Variants in CTCF observed in about 807,000 individuals in gnomAD.
CTCF encodes the protein transcriptional repressor CTCF.
In CTCF, 7 loss-of-function variants were observed where a neutral mutation model predicts 72.3. The ratio of observed to expected loss-of-function variants is 0.10; its 90% CI spans 0.06 to 0.18. The LOEUF (loss-of-function observed/expected upper bound fraction) is 0.18. CTCF is among the 10% of genes least tolerant of loss of function. CTCF has a pLI of 1.00. For synonymous variants in CTCF, 374 were observed against 315.8 expected, an observed-to-expected ratio of 1.18 and a Z score of -1.95; for missense variants, 516 against 949.1, an observed-to-expected ratio of 0.54 and a Z score of 6.00.
In CTCF at chr16:67,619,329, G is replaced by A. The variant is rs572582255; in HGVS notation, c.1087-1368G>A. Among the ~76,000 whole-genome samples the A allele has an allele frequency of 2.4e-4, 36 of 152,178 alleles. 2 individuals are homozygous for A. Among genetic ancestry groups the A allele is most frequent in the Middle Eastern group, 6.8e-3 (2 of 294 alleles). On this transcript the variant is annotated intron_variant, in intron 5 of 11. Transcript: ENST00000264010. ...CGTGCGCCTGTAGTCTCAGCTACTC[G>A]GGAGGCTGAGGCAGGAGAATTGCTT...
chr16:67,610,227 A>G lies in CTCF; in HGVS notation c.-9-597A>G, dbSNP rs370506692. ...ATTTCACTGATTTAATCCCTGTAGTATAATTTAACATCCTGAGTCACCAAT... is the reference window on the plus strand; with the variant it reads ...ATTTCACTGATTTAATCCCTGTAGTGTAATTTAACATCCTGAGTCACCAAT... On this transcript the variant is annotated intron_variant, in intron 2 of 11. Transcript: ENST00000264010. 9.2e-5 allele frequency among the ~76,000 whole-genome samples: 14 copies of G among 152,106 alleles called. No homozygotes were observed. The East Asian group carries it at 2.5e-3, about 27-fold the overall frequency.
chr16:67,599,267 C>T (rs902004409), intron 2 of CTCF, among the ~76,000 whole-genome samples: 17 of 152,154 alleles, frequency 1.1e-4, no homozygotes, highest in Admixed American at 2.0e-4. Flanking sequence ...TGGTGGCACG[C>T]GCTGGTAGTC....
chr16:67,629,874 A>C (rs2052341477), intron 10 of CTCF, among the ~76,000 whole-genome samples: 5 of 139,736 alleles, frequency 3.6e-5, no homozygotes, highest in Admixed American at 2.3e-4. Flanking sequence ...TCCCGGGTTC[A>C]CGCCATTCTC....
chr16:67,616,592 T>C (rs1213331534), intron 4 of CTCF, 153 bp from the exon 5 acceptor site: 3 of 782,684 alleles, frequency 3.8e-6, no homozygotes, highest in Non-Finnish European at 6.3e-6. Flanking sequence ...CTCCCATAGT[T>C]TTCGGAGCTG....
intron 2 of CTCF, among the ~76,000 whole-genome samples, chr16:67,575,852 A>C (rs1256898190): frequency 6.6e-6 from 1 of 152,132 alleles, no homozygotes; most frequent in Non-Finnish European, 1.5e-5. Flanking sequence ...AATGGGTTAG[A>C]TTTATCAGAA....
chr16:67,610,988 G>A lies in CTCF; in HGVS notation c.156G>A (p.Gln52=), dbSNP rs2052054672. Residue 52 remains glutamine (Q), a synonymous_variant, in exon 3 of 12, where the codon CAG becomes CAA. Coordinates refer to ENST00000264010, the MANE Select transcript of CTCF (RefSeq NM_006565.4). The part of the protein sequence containing the change: ...QNQTDGGEVV[Q]DVNSSVQMVM... ...AGACGGATGGGGGTGAGGTGGTCCA[G>A]GATGTCAACAGCAGTGTACAGATGG... The A allele has an allele frequency of 4.4e-6, 7 of 1,603,700 alleles. No homozygotes were observed. Among genetic ancestry groups the A allele is most frequent in the Non-Finnish European group, 5.1e-6 (6 of 1,171,272 alleles).
At chr16:67,623,973 G>A (rs1470505525) in intron 7 of CTCF, among the ~76,000 whole-genome samples, 2 of 151,008 alleles carry the variant, frequency 1.3e-5, no homozygotes, top group Non-Finnish European at 3.0e-5. Context: ...GCTTCAATCC[G>A]GGAGGGGGAG....
chr16:67,633,613 A>G (rs959540745), intron 10 of CTCF, among the ~76,000 whole-genome samples: 6 of 152,184 alleles, frequency 3.9e-5, no homozygotes, highest in Admixed American at 6.5e-5. Context: ...CACAATGCGT[A>G]AGAATTTCTG....
At chr16:67,629,611 G>C in intron 10 of CTCF, 78 bp downstream of exon 10, 1 of 1,487,092 alleles carries the variant, frequency 6.7e-7, no homozygotes, top group Non-Finnish European at 9.2e-7. Flanking sequence ...GTATGGATAT[G>C]CTGGGATATA....
intron 10 of CTCF, among the ~76,000 whole-genome samples, chr16:67,631,954 G>T (rs1050682238): frequency 6.6e-6 from 1 of 151,390 alleles, no homozygotes. Flanking sequence ...CTGCGCCTGC[G>T]GTCCCAGCTA....
chr16:67,594,378 T>C (rs561651927), intron 2 of CTCF, among the ~76,000 whole-genome samples: 2 of 147,662 alleles, frequency 1.4e-5, no homozygotes, highest in East Asian at 4.0e-4. Flanking sequence ...GGTGGGACCC[T>C]GTCTCAAAAA....
chr16:67,569,032 G>A (rs1046220141), intron 1 of CTCF, among the ~76,000 whole-genome samples: 1 of 151,728 alleles, frequency 6.6e-6, no homozygotes, highest in Non-Finnish European at 1.5e-5. Flanking sequence ...GTAGAGACAA[G>A]GTTCCACTAT....
chr16:67,612,916 C>G (rs929099891), intron 4 of CTCF, among the ~76,000 whole-genome samples: 1 of 152,126 alleles, frequency 6.6e-6, no homozygotes, highest in South Asian at 2.1e-4. Context: ...CCAGCCTGGG[C>G]GACAGAGTGA....
At position 67,638,310 on chromosome 16, in the gene CTCF, C is replaced by T. The variant is rs1375131638; in HGVS notation, c.*438C>T. The T allele has an allele frequency of 1.7e-5, 4 of 230,480 alleles. No individual in the cohort carries two copies. The highest frequency in any genetic ancestry group is 9.1e-5 in the African/African-American group (4 of 44,136). 14.3% of individuals were successfully genotyped at this position (230,480 alleles called of 1,614,324 possible). A position where few individuals can be genotyped will look rare whatever the true frequency, so the allele number is the denominator to read the frequency against. On this transcript the variant is annotated 3_prime_UTR_variant, in exon 12 of 12. Coordinates refer to ENST00000264010, the MANE Select transcript of CTCF (RefSeq NM_006565.4). ...AACTGTTTTTTGCTTTTGCTTTTCC[C>T]TGACTCCCTTTGCTTGGAGTCAGCT...
Position 67,636,545 on chromosome 16 carries a change from C to CA in CTCF, c.1838-132dup, listed in dbSNP as rs57092222. 0.1 allele frequency: 15,762 copies of CA among 151,650 alleles called. 1,447 individuals carry two copies. The highest frequency in any genetic ancestry group is 0.37 in the African/African-American group (10,046 of 26,846). 9.4% of individuals were successfully genotyped at this position (151,650 alleles called of 1,614,324 possible). On this transcript the variant is annotated intron_variant, in intron 10 of 11. Coordinates refer to ENST00000264010, the MANE Select transcript of CTCF (RefSeq NM_006565.4). Reference sequence around the variant, plus strand: ...CCTGGGCAATAGAGTGAGACTGTCTCAAAAAAAAAAAAAGAAAGAAAGTGT... The same window carrying CA: ...CCTGGGCAATAGAGTGAGACTGTCTCAAAAAAAAAAAAAAGAAAGAAAGTGT...
chr16:67,592,678 C>T (rs908300153), intron 2 of CTCF, among the ~76,000 whole-genome samples: 8 of 152,304 alleles, frequency 5.3e-5, no homozygotes, highest in African/African-American at 1.7e-4. Context: ...GCACTGCAGC[C>T]TGGGTGACAG....
intron 1 of CTCF, among the ~76,000 whole-genome samples, chr16:67,565,486 A>G (rs2051331490): frequency 6.6e-6 from 1 of 151,928 alleles, no homozygotes; most frequent in Non-Finnish European, 1.5e-5. Context: ...CATCCTGACT[A>G]ACACAGTGAA....
intron 2 of CTCF, among the ~76,000 whole-genome samples, chr16:67,573,444 T>G (rs1210100954): frequency 1.3e-5 from 2 of 151,848 alleles, no homozygotes; most frequent in African/African-American, 4.8e-5. Flanking sequence ...AATAAATAAA[T>G]AAATAAATAT....
At chr16:67,583,022 A>C (rs1359992066) in intron 2 of CTCF, among the ~76,000 whole-genome samples, 1 of 139,118 alleles carries the variant, frequency 7.2e-6, no homozygotes, top group East Asian at 2.1e-4. Flanking sequence ...GCTCTGTTGC[A>C]CAGGCTGGAT....
Sources: gnomAD v4.1 joint callset for allele counts (sites outside exome capture counted in the v4.1 genomes callset) on GRCh38, gnomAD v4.1.1 for gene constraint, MANE v1.5 for transcripts, NCBI Gene and HGNC (gene_info 2026-07-23, HGNC 2026-07-21) for gene names.